Variants in MSH4 observed in about 807,000 individuals in gnomAD.
The protein encoded by MSH4 is mutS protein homolog 4.
Under a neutral mutation model 113.7 loss-of-function variants are expected in MSH4, and 106 were observed. The ratio of observed to expected loss-of-function variants is 0.93; its 90% confidence interval spans 0.80 to 1.10. The LOEUF (loss-of-function observed/expected upper bound fraction) is 1.10. Among genes scored for constraint, MSH4 ranks in the 50% least tolerant of loss-of-function variants. The pLI, the probability that MSH4 is intolerant of heterozygous loss-of-function variation, is 0.00. For missense variants in MSH4, 1,061 were observed against 1,093.7 expected (o/e 0.97, Z 0.42); for synonymous variants, 368 against 380.2 (o/e 0.97, Z 0.37).
chr1:75,911,911 A>T (rs996755216), intron 19 of MSH4, among the ~76,000 whole-genome samples: 3 of 152,068 alleles, frequency 2.0e-5, no homozygotes, highest in Non-Finnish European at 4.4e-5. Context: ...AAGATTAAAA[A>T]TGCTGATTTC....
chr1:75,855,415 A>G (rs1651295105), intron 8 of MSH4, among the ~76,000 whole-genome samples: 2 of 152,198 alleles, frequency 1.3e-5, no homozygotes, highest in South Asian at 4.1e-4. Flanking sequence ...ATTGTCTTAC[A>G]GATTTAGAGG....
In MSH4 at chr1:75,815,148, ATTTAT is replaced by A. The variant is rs1650269779; in HGVS notation, c.815+15_815+19del. ...GAGGTTCAGTCCAAGTAAGTTATAT[ATTTAT>A]TTATTTTTTTACTAGCCCACAGCTA... On this transcript the variant is annotated intron_variant, in intron 5 of 19. Coordinates refer to ENST00000263187, the MANE Select transcript of MSH4 (RefSeq NM_002440.4). The A allele has an allele frequency of 7.1e-7, 1 of 1,402,466 alleles. No homozygotes were observed. Among genetic ancestry groups the A allele is most frequent in the African/African-American group, 1.5e-5 (1 of 66,882 alleles). 86.9% of individuals were successfully genotyped at this position (1,402,466 alleles called of 1,614,324 possible).
intron 6 of MSH4, among the ~76,000 whole-genome samples, chr1:75,818,956 C>T (rs907302720): frequency 2.0e-5 from 3 of 151,718 alleles, no homozygotes; most frequent in African/African-American, 7.3e-5. Flanking sequence ...TTAGTAGGGA[C>T]GGGGTCTCAC....
chr1:75,906,139 C>G (rs534914071), intron 19 of MSH4, among the ~76,000 whole-genome samples: 2 of 151,780 alleles, frequency 1.3e-5, no homozygotes, highest in African/African-American at 4.8e-5. Flanking sequence ...TACAGGCACC[C>G]GCCTGTACAC....
rs34812368 is a variant in MSH4, at chr1:75,837,386, CTTTTTTTTTTTT to C, written c.1163-10814_1163-10803del. ...AAACTTAATGTACCCAAATTGTGCC[CTTTTTTTTTTTT>C]TTTTTTTTGAGACGGAGTCTTGCTG... On this transcript the variant is annotated intron_variant, in intron 7 of 19. Coordinates refer to ENST00000263187, the MANE Select transcript of MSH4 (RefSeq NM_002440.4). Among the ~76,000 whole-genome samples the C allele has an allele frequency of 8.4e-5, 9 of 106,610 alleles. No homozygotes were observed. The South Asian group carries it at 2.1e-3, about 25-fold the overall frequency. 69.9% of individuals were successfully genotyped at this position (106,610 alleles called of 152,430 possible).
chr1:75,802,549 A>T (rs1649961693), intron 1 of MSH4, among the ~76,000 whole-genome samples: 1 of 152,228 alleles, frequency 6.6e-6, no homozygotes, highest in Non-Finnish European at 1.5e-5. Flanking sequence ...TTATTTAAAA[A>T]TTTTATGACA....
At chr1:75,842,413 A>G (rs1455636773) in intron 7 of MSH4, among the ~76,000 whole-genome samples, 2 of 152,204 alleles carry the variant, frequency 1.3e-5, no homozygotes, top group African/African-American at 4.8e-5. Flanking sequence ...CCAGGCCCCA[A>G]GGAAAGAGAC....
intron 8 of MSH4, among the ~76,000 whole-genome samples, chr1:75,865,178 T>C (rs1651536937): frequency 1.3e-5 from 2 of 152,162 alleles, no homozygotes; most frequent in Non-Finnish European, 1.5e-5. Context: ...GAATTACTTT[T>C]TAAAATAAAT....
intron 7 of MSH4, among the ~76,000 whole-genome samples, chr1:75,834,870 T>C (rs1650794656): frequency 6.6e-6 from 1 of 152,164 alleles, no homozygotes; most frequent in African/African-American, 2.4e-5. Flanking sequence ...CATGTATACA[T>C]ATGTAACAAA....
chr1:75,885,341 GTATATA>G (rs72131358), intron 15 of MSH4, among the ~76,000 whole-genome samples: 10 of 102,572 alleles, frequency 9.7e-5, no homozygotes, highest in South Asian at 6.3e-4. Context: ...GTGTGTGTGT[GTATATA>G]TATATATATA....
intron 8 of MSH4, among the ~76,000 whole-genome samples, chr1:75,862,558 G>A (rs976325724): frequency 2.6e-5 from 4 of 152,186 alleles, no homozygotes; most frequent in African/African-American, 9.7e-5. Flanking sequence ...ATCAGATTTA[G>A]TAACCTTTAG....
intron 4 of MSH4, among the ~76,000 whole-genome samples, chr1:75,811,641 T>C (rs1418852495): frequency 1.3e-5 from 2 of 152,322 alleles, no homozygotes; most frequent in East Asian, 3.9e-4. Flanking sequence ...AGGACTGTAG[T>C]GGGTAAGCAC....
At chr1:75,869,106 G>A (rs1651653584) in intron 9 of MSH4, among the ~76,000 whole-genome samples, 1 of 152,200 alleles carries the variant, frequency 6.6e-6, no homozygotes, top group Non-Finnish European at 1.5e-5. Context: ...CCAAAATGCT[G>A]ATAGTTATAG....
chr1:75,797,944 AAAAC>A (rs529578558), intron 1 of MSH4, among the ~76,000 whole-genome samples: 15 of 152,206 alleles, frequency 9.9e-5, no homozygotes, highest in South Asian at 2.1e-4. Context: ...ACCCTGACTC[AAAAC>A]AAACAAACAA....
chr1:75,797,609 C>T (rs903854398), intron 1 of MSH4, among the ~76,000 whole-genome samples: 2 of 152,034 alleles, frequency 1.3e-5, no homozygotes, highest in Non-Finnish European at 2.9e-5. Flanking sequence ...TTGAACATTT[C>T]ATCTAATTCA....
chr1:75,876,026 T>A (rs910111237), intron 9 of MSH4, among the ~76,000 whole-genome samples: 1 of 152,116 alleles, frequency 6.6e-6, no homozygotes, highest in Non-Finnish European at 1.5e-5. Context: ...TCAGGCTATG[T>A]GTATAAGGTG....
At chr1:75,851,061 AT>A (rs1323098690) in intron 8 of MSH4, among the ~76,000 whole-genome samples, 1 of 151,882 alleles carries the variant, frequency 6.6e-6, no homozygotes, top group Non-Finnish European at 1.5e-5. Context: ...CTTTTAACTT[AT>A]TTTTGTCTTT....
Position 75,796,942 on chromosome 1 carries a change from G to T in MSH4, c.-44G>T. 1 of 1,607,650 alleles carries T rather than the reference G, an allele frequency of 6.2e-7. No individual in the cohort carries two copies. The highest frequency in any genetic ancestry group is 8.5e-7 in the Non-Finnish European group (1 of 1,176,196). On this transcript the variant is annotated 5_prime_UTR_variant, in exon 1 of 20. Transcript: ENST00000263187. ...CTGTAGTTGGGCTACTGGAGGGGTC[G>T]CTCAGAAACCTCATACTTCTCGGGT...
At chr1:75,906,535 A>ATATATATTATATATAATATATTATATATG (rs1652655141) in intron 19 of MSH4, among the ~76,000 whole-genome samples, 2 of 59,128 alleles carry the variant, frequency 3.4e-5, no homozygotes, top group African/African-American at 1.8e-4. Flanking sequence ...ATTATATATA[A>ATATATATTATATATAATATATTATATATG]TATATATAAT....
Sources: allele counts gnomAD v4.1 joint callset (sites outside exome capture counted in the v4.1 genomes callset), GRCh38; gene constraint gnomAD v4.1.1; transcripts MANE v1.5; gene names NCBI Gene and HGNC (gene_info 2026-07-23, HGNC 2026-07-21).